The following ATXN7 variants were observed in gnomAD, a reference collection of about 807,000 sequenced individuals.
ATXN7 encodes the protein ataxin-7.
Under a neutral mutation model 70.5 loss-of-function variants are expected in ATXN7, and 12 were observed. The observed-to-expected ratio is 0.17, with a 90% CI of 0.11 to 0.28. The LOEUF is 0.28. Ranked by LOEUF, ATXN7 falls within the 10% of genes least tolerant of loss-of-function variation. The probability of loss-of-function intolerance (pLI) is 1.00; values close to 1 mark genes in which losing one functional copy is unlikely to be tolerated. For missense variants in ATXN7, 1,256 were observed against 1,131.7 expected (o/e 1.11, Z -1.58); for synonymous variants, 498 against 448.7 (o/e 1.11, Z -1.39).
intron 2 of ATXN7, among the ~76,000 whole-genome samples, chr3:63,902,908 G>A (rs1408690117): frequency 6.6e-6 from 1 of 151,962 alleles, no homozygotes; most frequent in Non-Finnish European, 1.5e-5. Context: ...ATAAAACTAT[G>A]TTGATAAAAA....
intron 5 of ATXN7, among the ~76,000 whole-genome samples, chr3:63,971,724 G>T (rs185886449): frequency 6.6e-6 from 1 of 152,206 alleles, no homozygotes; most frequent in East Asian, 1.9e-4. Context: ...TTCTTTCAGA[G>T]ATATTATTGC....
intron 5 of ATXN7, among the ~76,000 whole-genome samples, chr3:63,956,065 TG>T (rs2075034352): frequency 1.3e-5 from 2 of 152,210 alleles, no homozygotes; most frequent in African/African-American, 4.8e-5. Flanking sequence ...GCAATGATGG[TG>T]AATGATTGTG....
intron 1 of ATXN7, chr3:63,864,543 C>G (rs968914396): frequency 6.6e-6 from 1 of 152,160 alleles, no homozygotes; most frequent in Non-Finnish European, 1.5e-5. Flanking sequence ...CCTTCCTGGG[C>G]TCGGCGGGTG....
At chr3:63,924,155 G>A (rs1363182539) in intron 4 of ATXN7, among the ~76,000 whole-genome samples, 1 of 152,172 alleles carries the variant, frequency 6.6e-6, no homozygotes, top group Non-Finnish European at 1.5e-5. Flanking sequence ...ATTGGATGTG[G>A]ATGAGGGAGA....
intron 1 of ATXN7, among the ~76,000 whole-genome samples, chr3:63,890,554 A>G (rs1004897988): frequency 2.0e-5 from 3 of 152,174 alleles, no homozygotes; most frequent in Non-Finnish European, 4.4e-5. Flanking sequence ...CTGATCTCTG[A>G]CCCTTGATTT....
intron 11 of ATXN7, among the ~76,000 whole-genome samples, chr3:63,992,273 CT>C (rs2075684740): frequency 6.6e-6 from 1 of 152,186 alleles, no homozygotes; most frequent in African/African-American, 2.4e-5. Flanking sequence ...TGTTACTCTG[CT>C]TTTCTTTTTC....
intron 4 of ATXN7, 129 bp downstream of exon 4, chr3:63,913,354 G>A (rs1156776178): frequency 1.0e-6 from 1 of 990,044 alleles, no homozygotes; most frequent in African/African-American, 1.6e-5. Context: ...GATGCTGCCT[G>A]AGGAGGGAGG....
chr3:63,997,209 G>C (rs989349208), intron 12 of ATXN7, among the ~76,000 whole-genome samples: 1 of 152,122 alleles, frequency 6.6e-6, no homozygotes, highest in Non-Finnish European at 1.5e-5. Context: ...AGTGAGCCAA[G>C]ATCGCGCCAC....
chr3:63,903,386 CAAAAAA>C (rs775558434), intron 2 of ATXN7, among the ~76,000 whole-genome samples: 5 of 49,586 alleles, frequency 1.0e-4, no homozygotes, highest in Admixed American at 4.5e-4. Flanking sequence ...GACTCCGTCT[CAAAAAA>C]AAAAAAAAAA....
chr3:63,975,059 T>C (rs1180524938), intron 5 of ATXN7, among the ~76,000 whole-genome samples: 2 of 152,350 alleles, frequency 1.3e-5, no homozygotes, highest in Admixed American at 6.5e-5. Context: ...TAGTATTTCT[T>C]ACAGACAAAA....
chr3:63,899,740 A>G (rs564824667), intron 2 of ATXN7, among the ~76,000 whole-genome samples: 11 of 152,006 alleles, frequency 7.2e-5, no homozygotes, highest in African/African-American at 2.4e-4. Flanking sequence ...CAGCCTCCCG[A>G]CTAGCTGGGA....
chr3:63,998,506 T>C (rs1576010271), intron 12 of ATXN7: 1 of 985,396 alleles, frequency 1.0e-6, no homozygotes, highest in Middle Eastern at 5.2e-4. Flanking sequence ...GCACTATGTC[T>C]TACTAGAACA....
At chr3:63,870,539 G>A (rs1702563175) in intron 1 of ATXN7, among the ~76,000 whole-genome samples, 1 of 152,172 alleles carries the variant, frequency 6.6e-6, no homozygotes, top group Non-Finnish European at 1.5e-5. Context: ...GTCATATTGT[G>A]TGGCCGCCTT....
chr3:63,965,222 G>GT (rs1451315565), intron 5 of ATXN7, among the ~76,000 whole-genome samples: 2 of 152,082 alleles, frequency 1.3e-5, no homozygotes, highest in Non-Finnish European at 2.9e-5. Context: ...TTTGCTGAAC[G>GT]TTTAACAAGT....
intron 1 of ATXN7, among the ~76,000 whole-genome samples, chr3:63,897,232 G>A (rs1197592214): frequency 6.6e-6 from 1 of 152,124 alleles, no homozygotes; most frequent in Non-Finnish European, 1.5e-5. Context: ...ATGGAAATCA[G>A]AGAAATTTTT....
At chr3:63,887,679 A>T (rs930105229) in intron 1 of ATXN7, among the ~76,000 whole-genome samples, 1 of 152,024 alleles carries the variant, frequency 6.6e-6, no homozygotes, top group Non-Finnish European at 1.5e-5. Flanking sequence ...TCAACCTCCC[A>T]GGCTCAAGTG....
intron 4 of ATXN7, among the ~76,000 whole-genome samples, chr3:63,915,492 A>G: frequency 6.6e-6 from 1 of 152,218 alleles, no homozygotes; most frequent in South Asian, 2.1e-4. Context: ...GCTGCTTCAG[A>G]AATGAAAATA....
Position 63,982,277 on chromosome 3 carries a change from G to A in ATXN7, c.844G>A (p.Val282Met), listed in dbSNP as rs863223393. ...SAVGPTCPAT[V>M]SSLVKPGLNC... ...GGTGGGGCCAACCTGTCCTGCTACT[G>A]TGAGTTCCTTAGTCAAGCCTGGCCT... Residue 282 changes from valine (V) to methionine (M), a missense_variant, in exon 7 of 13, where the codon GTG becomes ATG. Physicochemically the swap from Val to Met is conservative, Grantham distance 21 (BLOSUM62 1). Transcript: ENST00000674280. 3 of 1,614,058 alleles carry A rather than the reference G, an allele frequency of 1.9e-6. No homozygotes were observed. Among genetic ancestry groups the A allele is most frequent in the Non-Finnish European group, 2.5e-6 (3 of 1,180,040 alleles).
chr3:63,925,701 G>C (rs1458559505), intron 4 of ATXN7, among the ~76,000 whole-genome samples: 1 of 152,142 alleles, frequency 6.6e-6, no homozygotes, highest in Non-Finnish European at 1.5e-5. Context: ...TGTGTGCCCA[G>C]AAAATCAGAA....
Sources: allele counts gnomAD v4.1 joint callset (sites outside exome capture counted in the v4.1 genomes callset), GRCh38; gene constraint gnomAD v4.1.1; transcripts MANE v1.5; gene names NCBI Gene and HGNC (gene_info 2026-07-23, HGNC 2026-07-21).